Variants in GLIPR1L1 observed in about 807,000 individuals in gnomAD.
The protein encoded by GLIPR1L1 is GLIPR1 like 1.
GLIPR1L1 carries 26 observed loss-of-function variants against 29.9 expected under a neutral mutation model. That is an observed-to-expected ratio of 0.87 (90% CI 0.64 to 1.21). GLIPR1L1 has a LOEUF of 1.21. Ranked by LOEUF, GLIPR1L1 falls within the 50% of genes most tolerant of loss-of-function variation. GLIPR1L1 has a pLI of 0.00. For synonymous variants in GLIPR1L1, 77 were observed against 97.5 expected (o/e 0.79, Z 1.24); for missense variants, 305 against 290.3 (o/e 1.05, Z -0.37).
At chr12:75,338,215 G>C (rs1175175355) in intron 1 of GLIPR1L1, among the ~76,000 whole-genome samples, 1 of 152,090 alleles carries the variant, frequency 6.6e-6, no homozygotes, top group Non-Finnish European at 1.5e-5. Context: ...ATAATCAATT[G>C]AATCCAGCAA....
At chr12:75,358,739 G>T (rs2043323518) in intron 3 of GLIPR1L1, among the ~76,000 whole-genome samples, 1 of 130,996 alleles carries the variant, frequency 7.6e-6, no homozygotes, top group South Asian at 2.2e-4. Flanking sequence ...TATATATATG[G>T]TTTAAATATA....
chr12:75,351,941 CA>C lies in GLIPR1L1; in HGVS notation c.521+4220del, dbSNP rs1358285067. 3.9e-5 allele frequency among the ~76,000 whole-genome samples: 6 copies of C among 152,102 alleles called. No individual in the cohort carries two copies. The East Asian group carries it at 1.2e-3, about 29-fold the overall frequency. The stretch of plus-strand genomic sequence containing the variant: ...GCGAAGGAGAAATGAGATTTTTTTT[CA>C]GACAAGCAAATGCTGAGGGAATTCA... On this transcript the variant is annotated intron_variant, in intron 3 of 5. Transcript: ENST00000378695.
intron 3 of GLIPR1L1, among the ~76,000 whole-genome samples, chr12:75,359,357 C>CTTTT (rs61616225): frequency 0.027 from 778 of 28,632 alleles, 37 homozygotes; most frequent in Non-Finnish European, 0.032. Context: ...GCATTGTTGT[C>CTTTT]TTTTTTTTTT....
intron 2 of GLIPR1L1, among the ~76,000 whole-genome samples, chr12:75,344,706 T>C (rs1402655260): frequency 1.3e-5 from 2 of 152,190 alleles, no homozygotes; most frequent in Non-Finnish European, 1.5e-5. Flanking sequence ...TTTTGCCTTG[T>C]TGAGTGCTGG....
chr12:75,348,708 T>C (rs746252062), intron 3 of GLIPR1L1, among the ~76,000 whole-genome samples: 3 of 152,166 alleles, frequency 2.0e-5, no homozygotes, highest in Non-Finnish European at 2.9e-5. Context: ...CTTATGGGTC[T>C]TGTGAAAGCA....
At position 75,334,913 on chromosome 12, in the gene GLIPR1L1, A is replaced by T; in HGVS notation, c.174+11A>T. 6.2e-7 allele frequency: 1 copy of T among 1,611,806 alleles called. No individual in the cohort carries two copies. The highest frequency in any genetic ancestry group is 8.5e-7 in the Non-Finnish European group (1 of 1,178,578). On this transcript the variant is annotated intron_variant, in intron 1 of 5. Transcript: ENST00000378695. ...GACATGAAATACATGGTGAGAAAGA[A>T]CCAGGGCTGGGCTCTTAAATCCCTG...
At chr12:75,340,626 T>A (rs915033910) in intron 1 of GLIPR1L1, among the ~76,000 whole-genome samples, 1 of 151,852 alleles carries the variant, frequency 6.6e-6, no homozygotes, top group Non-Finnish European at 1.5e-5. Context: ...TAAAGTACCC[T>A]GTTAGGAAGA....
At chr12:75,369,852 A>G (rs2044243325) in intron 4 of GLIPR1L1, 108 bp from the exon 5 acceptor site, 4 of 1,338,628 alleles carry the variant, frequency 3.0e-6, no homozygotes, top group Non-Finnish European at 3.8e-6. Flanking sequence ...TAAAAAGTCA[A>G]ACTAATTTTT....
At chr12:75,345,401 G>T (rs541026161) in intron 2 of GLIPR1L1, among the ~76,000 whole-genome samples, 3 of 151,898 alleles carry the variant, frequency 2.0e-5, no homozygotes, top group African/African-American at 7.3e-5. Flanking sequence ...CACCTTTTGG[G>T]CCATACTTTA....
intron 2 of GLIPR1L1, among the ~76,000 whole-genome samples, chr12:75,345,397 T>C (rs1175553828): frequency 6.6e-6 from 1 of 152,142 alleles, no homozygotes; most frequent in African/African-American, 2.4e-5. Flanking sequence ...AATTCACCTT[T>C]TGGGCCATAC....
At chr12:75,349,057 G>T (rs928682749) in intron 3 of GLIPR1L1, among the ~76,000 whole-genome samples, 3 of 151,808 alleles carry the variant, frequency 2.0e-5, no homozygotes, top group African/African-American at 7.3e-5. Context: ...GAGTACCAGA[G>T]AAAAGAGAAC....
chr12:75,368,755 T>C (rs2044162516), intron 4 of GLIPR1L1, among the ~76,000 whole-genome samples: 1 of 152,002 alleles, frequency 6.6e-6, no homozygotes, highest in Non-Finnish European at 1.5e-5. Flanking sequence ...TTGGTTACAG[T>C]GTGTATAAGA....
intron 3 of GLIPR1L1, among the ~76,000 whole-genome samples, chr12:75,356,123 C>T (rs376940722): frequency 2.0e-5 from 3 of 151,604 alleles, no homozygotes; most frequent in African/African-American, 7.3e-5. Flanking sequence ...GCATTTTTAC[C>T]CTGGAACTTA....
rs1165555776 is a variant in GLIPR1L1 at position 75,370,100 on chromosome 12, A to G, written c.653A>G (p.Lys218Arg). The G allele has an allele frequency of 1.2e-6, 2 of 1,604,342 alleles. No homozygotes were observed. The highest frequency in any genetic ancestry group is 8.5e-7 in the Non-Finnish European group (1 of 1,173,722). The change falls in exon 6 of 6, where the codon AAG (lysine) becomes AGG (arginine). Residue 218 changes from lysine (K) to arginine (R), a missense_variant. Physicochemically the swap from Lys to Arg is conservative, Grantham distance 26. Transcript: ENST00000378695. ...LIIPNQNPFL[K>R]PTGRAPQQTA... ...TTTTTGACAGAAAATCCATTTCTGAAGCCAACGGGGAGAGCACCTCAGCAG... is the reference window on the plus strand; with the variant it reads ...TTTTTGACAGAAAATCCATTTCTGAGGCCAACGGGGAGAGCACCTCAGCAG...
At chr12:75,354,554 G>A (rs966796625) in intron 3 of GLIPR1L1, among the ~76,000 whole-genome samples, 2 of 152,146 alleles carry the variant, frequency 1.3e-5, no homozygotes, top group African/African-American at 4.8e-5. Context: ...TGGCCATACT[G>A]CCCAAAGTAA....
intron 1 of GLIPR1L1, among the ~76,000 whole-genome samples, chr12:75,338,793 C>G (rs1362475211): frequency 6.6e-6 from 1 of 151,834 alleles, no homozygotes; most frequent in Non-Finnish European, 1.5e-5. Flanking sequence ...TGTTGATCCC[C>G]CCATGTGTCC....
intron 3 of GLIPR1L1, among the ~76,000 whole-genome samples, chr12:75,359,034 G>A (rs989876392): frequency 1.4e-4 from 21 of 150,038 alleles, no homozygotes; most frequent in African/African-American, 5.1e-4. Context: ...GGGCCACACT[G>A]TGCTGATTGC....
chr12:75,349,732 T>G (rs2042680366), intron 3 of GLIPR1L1, among the ~76,000 whole-genome samples: 1 of 151,984 alleles, frequency 6.6e-6, no homozygotes, highest in Non-Finnish European at 1.5e-5. Context: ...AATCATAACA[T>G]TAGAAATTAT....
intron 4 of GLIPR1L1, chr12:75,367,065 T>G (rs1222190123): frequency 2.9e-6 from 2 of 699,248 alleles, no homozygotes; most frequent in Non-Finnish European, 5.2e-6. Context: ...CTCACAAAAA[T>G]GCACAGACAA....
Sources: allele counts gnomAD v4.1 joint callset (sites outside exome capture counted in the v4.1 genomes callset), GRCh38; gene constraint gnomAD v4.1.1; transcripts MANE v1.5; gene names NCBI Gene and HGNC (gene_info 2026-07-23, HGNC 2026-07-21).